Variants in RGS13 observed in about 807,000 individuals in gnomAD.
RGS13 encodes regulator of G-protein signalling 13.
In RGS13, 14 loss-of-function variants were observed where a neutral mutation model predicts 19.9. The ratio of observed to expected loss-of-function variants is 0.70; its 90% CI spans 0.46 to 1.10. RGS13 has a LOEUF of 1.10. Among genes scored for constraint, RGS13 ranks in the 50% least tolerant of loss-of-function variants. RGS13 has a pLI of 0.00. For missense variants in RGS13, 205 were observed against 187.1 expected (o/e 1.10, Z -0.56); for synonymous variants, 60 against 56.8 (o/e 1.06, Z -0.25).
At chr1:192,644,515 A>G (rs1009118715) in intron 4 of RGS13, 116 bp downstream of exon 4, 25 of 775,704 alleles carry the variant, frequency 3.2e-5, no homozygotes, top group Non-Finnish European at 4.8e-5. Context: ...TAAAATTTGC[A>G]TTTACACGTG....
At chr1:192,639,663 T>A (rs1011532324) in intron 3 of RGS13, among the ~76,000 whole-genome samples, 2 of 152,154 alleles carry the variant, frequency 1.3e-5, no homozygotes, top group African/African-American at 4.8e-5. Flanking sequence ...ATTTTTCTAA[T>A]CTTTACAGTT....
At chr1:192,646,614 T>A (rs2102032724) in intron 4 of RGS13, 1 of 152,214 alleles carries the variant, frequency 6.6e-6, no homozygotes, top group African/African-American at 2.4e-5. Context: ...AAGCCCAGCA[T>A]CCAATAGCTA....
intron 3 of RGS13, among the ~76,000 whole-genome samples, chr1:192,642,956 C>T (rs949735063): frequency 1.7e-4 from 26 of 152,098 alleles, no homozygotes; most frequent in African/African-American, 5.6e-4. Context: ...ATCTCCTGGG[C>T]TCAAGTGATT....
At chr1:192,654,730 GAAAGCCCACATT>G (rs1187383388) in intron 5 of RGS13, among the ~76,000 whole-genome samples, 1 of 152,020 alleles carries the variant, frequency 6.6e-6, no homozygotes, top group Non-Finnish European at 1.5e-5. Flanking sequence ...TCAGCCATGA[GAAAGCCCACATT>G]TCCCTTCTGC....
chr1:192,647,325 G>A (rs773394329), intron 4 of RGS13: 2 of 152,122 alleles, frequency 1.3e-5, no homozygotes, highest in Non-Finnish European at 2.9e-5. Context: ...GCCATGGCAA[G>A]CCTTAAACAC....
intron 3 of RGS13, 144 bp from the exon 4 acceptor site, chr1:192,644,187 T>TC: frequency 2.1e-6 from 1 of 480,822 alleles, no homozygotes; most frequent in African/African-American, 2.0e-5. Flanking sequence ...TCCTCCCAAC[T>TC]CCCCCAGTGA....
chr1:192,651,578 GAGGAATGCAAAGT>G (rs1018534070), intron 5 of RGS13, among the ~76,000 whole-genome samples: 8 of 151,720 alleles, frequency 5.3e-5, no homozygotes, highest in African/African-American at 1.7e-4. Context: ...AAGAAAAATA[GAGGAATGCAAAGT>G]AGGAATGCAA....
intron 5 of RGS13, among the ~76,000 whole-genome samples, chr1:192,650,085 T>C (rs1663308049): frequency 6.6e-6 from 1 of 152,048 alleles, no homozygotes; most frequent in South Asian, 2.1e-4. Context: ...CAAGCTATAT[T>C]ATGTAAGTTT....
At chr1:192,647,173 A>T (rs1000498194) in intron 4 of RGS13, 3 of 152,174 alleles carry the variant, frequency 2.0e-5, no homozygotes, top group African/African-American at 7.2e-5. Flanking sequence ...AAATAGGTAA[A>T]CACTTGGCTG....
intron 5 of RGS13, among the ~76,000 whole-genome samples, chr1:192,652,267 A>G (rs1035831090): frequency 2.6e-5 from 4 of 152,046 alleles, no homozygotes; most frequent in Non-Finnish European, 5.9e-5. Context: ...CCTCAGCATC[A>G]TGGCACAGAG....
At chr1:192,648,681 A>C (rs1375957880) in intron 5 of RGS13, among the ~76,000 whole-genome samples, 3 of 152,010 alleles carry the variant, frequency 2.0e-5, no homozygotes, top group African/African-American at 7.3e-5. Context: ...AGTTTTTTTT[A>C]AATGGAGTTG....
chr1:192,654,977 T>C (rs1663408947), intron 5 of RGS13, among the ~76,000 whole-genome samples: 1 of 152,058 alleles, frequency 6.6e-6, no homozygotes, highest in South Asian at 2.1e-4. Context: ...ATCGCAGTCT[T>C]CTGAGCATAA....
rs562847751 is a variant in RGS13 at position 192,638,151 on chromosome 1, C to A, written c.-44-13C>A. On this transcript the variant is annotated splice_polypyrimidine_tract_variant and intron_variant, in intron 2 of 6. Coordinates refer to ENST00000391995, the MANE Select transcript of RGS13 (RefSeq NM_002927.5). ...GTCCTCAGACTGTGAATTATATTTT[C>A]TTATTTTATCAGATGATATTCTAAC... 9.3e-4 allele frequency: 142 copies of A among 152,132 alleles called. 1 individual carries two copies. The highest frequency in any genetic ancestry group is 3.2e-3 in the African/African-American group (135 of 41,550). The allele number at this position is 152,132 out of a possible 1,614,324, so 9.4% of individuals were successfully genotyped here. A position where few individuals can be genotyped will look rare whatever the true frequency, so the allele number is the denominator to read the frequency against.
intron 5 of RGS13, among the ~76,000 whole-genome samples, chr1:192,655,297 AG>A (rs1490254235): frequency 1.3e-5 from 2 of 152,156 alleles, no homozygotes; most frequent in African/African-American, 2.4e-5. Flanking sequence ...TGAAATATAT[AG>A]CGAAATCCAG....
At chr1:192,645,252 C>A (rs1186634270) in intron 4 of RGS13, 1 of 152,160 alleles carries the variant, frequency 6.6e-6, no homozygotes, top group African/African-American at 2.4e-5. Context: ...GAATGATTCC[C>A]ATAGAGGATC....
Position 192,659,639 on chromosome 1 carries a change from T to A in RGS13, c.*116T>A. 1 of 731,240 alleles carries A rather than the reference T, an allele frequency of 1.4e-6. No homozygotes were observed. Among genetic ancestry groups the A allele is most frequent in the Non-Finnish European group, 2.2e-6 (1 of 447,852 alleles). 45.3% of individuals were successfully genotyped at this position (731,240 alleles called of 1,614,324 possible). A position where few individuals can be genotyped will look rare whatever the true frequency, so the allele number is the denominator to read the frequency against. On this transcript the variant is annotated 3_prime_UTR_variant, in exon 7 of 7. Coordinates refer to ENST00000391995, the MANE Select transcript of RGS13 (RefSeq NM_002927.5). Reference sequence around the variant, plus strand: ...TACAAATAAAACAGAAATCAAACTATAAGTTGACTTTTAGTTCCTAAAAAG... The same window carrying A: ...TACAAATAAAACAGAAATCAAACTAAAAGTTGACTTTTAGTTCCTAAAAAG...
At chr1:192,641,909 T>C (rs967816776) in intron 3 of RGS13, among the ~76,000 whole-genome samples, 1 of 152,086 alleles carries the variant, frequency 6.6e-6, no homozygotes, top group African/African-American at 2.4e-5. Context: ...GGTCAACAAG[T>C]TCTAATAGTT....
intron 5 of RGS13, among the ~76,000 whole-genome samples, chr1:192,655,079 T>C (rs1287460989): frequency 6.6e-6 from 1 of 152,126 alleles, no homozygotes; most frequent in Non-Finnish European, 1.5e-5. Context: ...ACTTGTGGTA[T>C]GAATCAATCG....
At chr1:192,647,390 G>A (rs939174799) in intron 4 of RGS13, 16 of 152,120 alleles carry the variant, frequency 1.1e-4, no homozygotes, top group African/African-American at 3.9e-4. Flanking sequence ...TCAATATGCT[G>A]TTTGACAATA....
Sources: gnomAD v4.1 joint callset for allele counts (sites outside exome capture counted in the v4.1 genomes callset) on GRCh38, gnomAD v4.1.1 for gene constraint, MANE v1.5 for transcripts, NCBI Gene and HGNC (gene_info 2026-07-23, HGNC 2026-07-21) for gene names.